NOS1: variants seen among roughly 807,000 people sequenced by gnomAD.
NOS1 encodes nitric oxide synthase 1, also known as NOS type I.
A neutral mutation model predicts 164.5 loss-of-function variants in NOS1; 51 were observed. That is an observed-to-expected ratio of 0.31 (90% CI 0.25 to 0.39). The LOEUF (loss-of-function observed/expected upper bound fraction) is 0.39. NOS1 is among the 10% of genes least tolerant of loss of function. The pLI is 1.00. For synonymous variants in NOS1, 719 were observed against 745.8 expected (o/e 0.96, Z 0.59); for missense variants, 1,362 against 1,885.6 (o/e 0.72, Z 5.14).
intron 20 of NOS1, 44 bp downstream of exon 20, chr12:117,242,583 T>C (rs983554397): frequency 6.6e-7 from 1 of 1,510,740 alleles, no homozygotes; most frequent in African/African-American, 1.4e-5. Flanking sequence ...TGGGTGGCAT[T>C]TGGGAGAAGA....
chr12:117,311,547 C>T lies in NOS1; in HGVS notation c.771G>A (p.Glu257=). The T allele has an allele frequency of 6.2e-7, 1 of 1,613,200 alleles. No homozygotes were observed. The highest frequency in any genetic ancestry group is 1.3e-5 in the African/African-American group (1 of 75,060). ...ATAGGTCATTGAAGACTCGGTCGTT[C>T]TCCACGCCGAGGGGCAGAGGTTTGT... The part of the protein sequence containing the change: ...KSHKPLPLGV[E]NDRVFNDLWG... Residue 257 remains glutamate, a synonymous_variant, in exon 3 of 29, where the codon GAG becomes GAA. Coordinates refer to ENST00000317775, the MANE Select transcript of NOS1 (RefSeq NM_000620.5).
At chr12:117,312,572 T>C (rs890280274) in intron 2 of NOS1, among the ~76,000 whole-genome samples, 11 of 152,058 alleles carry the variant, frequency 7.2e-5, no homozygotes, top group Non-Finnish European at 1.3e-4. Flanking sequence ...TGTACCACCA[T>C]GTCTGCCTAA....
At chr12:117,304,961 C>A in intron 3 of NOS1, 1 of 958,766 alleles carries the variant, frequency 1.0e-6, no homozygotes, top group Non-Finnish European at 1.2e-6. Context: ...AACCTGCATT[C>A]GTCCTGCTTC....
chr12:117,310,399 C>A (rs1874371366), intron 3 of NOS1, among the ~76,000 whole-genome samples: 1 of 152,118 alleles, frequency 6.6e-6, no homozygotes, highest in African/African-American at 2.4e-5. Flanking sequence ...TCCTCTTTAC[C>A]CACTAATGGG....
Position 117,220,119 on chromosome 12 carries a change from TCCC to T in NOS1, c.4123_4125del (p.Gly1375del). 1 of 1,613,514 alleles carries T rather than the reference TCCC, an allele frequency of 6.2e-7. No individual in the cohort carries two copies. The highest frequency in any genetic ancestry group is 8.5e-7 in the Non-Finnish European group (1 of 1,179,750). ...ACGCCGGCGTCCTCTGCCGAGAGCT[TCCC>T]CTGCTGGGTCATGATGCGCTGGATG... is the stretch of plus-strand genomic sequence containing the variant. On this transcript the variant is annotated inframe_deletion, in exon 27 of 29. Transcript: ENST00000317775.
intron 2 of NOS1, among the ~76,000 whole-genome samples, chr12:117,322,650 C>T (rs957920442): frequency 2.1e-5 from 3 of 139,904 alleles, no homozygotes; most frequent in Non-Finnish European, 3.1e-5. Context: ...TCCCTCCCTG[C>T]TTCCCTCCCT....
In NOS1 at chr12:117,311,517, C is replaced by T. The variant is rs550005340; in HGVS notation, c.801G>A (p.Gly267=). ...TGAGGACGACAGGCACATTGCCCTT[C>T]CCCCATAGGTCATTGAAGACTCGGT... ...ENDRVFNDLW[G]KGNVPVVLNN... Residue 267 remains glycine (G), a synonymous_variant, in exon 3 of 29, where the codon GGG becomes GGA. Coordinates refer to ENST00000317775, the MANE Select transcript of NOS1 (RefSeq NM_000620.5). 122 of 1,612,518 alleles carry T rather than the reference C, an allele frequency of 7.6e-5. No individual in the cohort carries two copies. The South Asian group carries it at 1.3e-3, about 18-fold the overall frequency.
At chr12:117,246,943 G>T (rs560652744) in intron 18 of NOS1, among the ~76,000 whole-genome samples, 16 of 152,120 alleles carry the variant, frequency 1.1e-4, no homozygotes, top group African/African-American at 3.1e-4. Flanking sequence ...TACCATATTG[G>T]TTAGTGAAGA....
At chr12:117,261,084 G>A (rs1871865243) in intron 13 of NOS1, among the ~76,000 whole-genome samples, 10 of 148,030 alleles carry the variant, frequency 6.8e-5, no homozygotes, top group Admixed American at 4.1e-4. Flanking sequence ...CAAGAGAATT[G>A]CTTGAACCCA....
At chr12:117,274,186 T>C (rs975823887) in intron 9 of NOS1, among the ~76,000 whole-genome samples, 2 of 152,070 alleles carry the variant, frequency 1.3e-5, no homozygotes, top group African/African-American at 2.4e-5. Flanking sequence ...CCAAAGAAGA[T>C]AGATAACCAA....
rs148847804 is a variant in NOS1 at position 117,278,666 on chromosome 12, T to C, written c.1525-568A>G. Among the ~76,000 whole-genome samples the C allele has an allele frequency of 3.9e-3, 600 of 152,092 alleles. 2 individuals carry two copies. Among genetic ancestry groups the C allele is most frequent in the African/African-American group, 0.014 (563 of 41,532 alleles). On this transcript the variant is annotated intron_variant, in intron 8 of 28. Coordinates refer to ENST00000317775, the MANE Select transcript of NOS1 (RefSeq NM_000620.5). Reference sequence around the variant, plus strand: ...AGCCACCTAAGTAATTAAAACTTTCTAGTAGCCACATTAGAAAAAAAAAAC... The same window carrying C: ...AGCCACCTAAGTAATTAAAACTTTCCAGTAGCCACATTAGAAAAAAAAAAC...
At chr12:117,297,740 G>A (rs1286034412) in intron 3 of NOS1, among the ~76,000 whole-genome samples, 3 of 152,132 alleles carry the variant, frequency 2.0e-5, no homozygotes, top group African/African-American at 2.4e-5. Context: ...CAGGTGTGCT[G>A]GGCAGTGGAC....
chr12:117,351,129 A>G (rs1036347994), intron 1 of NOS1, among the ~76,000 whole-genome samples: 2 of 151,216 alleles, frequency 1.3e-5, no homozygotes, highest in Non-Finnish European at 3.0e-5. Flanking sequence ...AAGAAGAAGA[A>G]AAAAAAAAGT....
intron 1 of NOS1, among the ~76,000 whole-genome samples, chr12:117,340,201 A>G (rs1287567355): frequency 1.3e-5 from 2 of 152,006 alleles, no homozygotes; most frequent in East Asian, 3.9e-4. Flanking sequence ...ACGGTGTCTC[A>G]CTATGTTGCT....
intron 1 of NOS1, among the ~76,000 whole-genome samples, chr12:117,338,212 G>C (rs911154518): frequency 6.6e-6 from 1 of 151,698 alleles, no homozygotes; most frequent in Non-Finnish European, 1.5e-5. Flanking sequence ...GTGAGACTCT[G>C]TCTCAAACAA....
chr12:117,252,846 C>T (rs139182537), intron 17 of NOS1, among the ~76,000 whole-genome samples: 12 of 152,156 alleles, frequency 7.9e-5, no homozygotes, highest in South Asian at 2.1e-4. Context: ...GCTCAGTTAG[C>T]GAAGGTCTGA....
rs527680190 is a variant in NOS1, at chr12:117,284,098, C to T, written c.1382+1143G>A. Among the ~76,000 whole-genome samples, 213 of 152,278 alleles carry T rather than the reference C, an allele frequency of 1.4e-3. 1 individual carries two copies. Among genetic ancestry groups the T allele is most frequent in the African/African-American group, 4.9e-3 (204 of 41,570 alleles). On this transcript the variant is annotated intron_variant, in intron 7 of 28. Transcript: ENST00000317775. ...TCAGAAAATTGGCAAACACCATTTC[C>T]TTCTTACGGAAGAGAAGAGACACAT...
chr12:117,311,356 T>C, intron 3 of NOS1, 110 bp downstream of exon 3: 10 of 1,310,476 alleles, frequency 7.6e-6, no homozygotes, highest in Non-Finnish European at 1.0e-5. Context: ...GCGGCTGATT[T>C]CCATCATGAC....
intron 1 of NOS1, among the ~76,000 whole-genome samples, chr12:117,333,122 G>A (rs1216421084): frequency 6.6e-6 from 1 of 152,192 alleles, no homozygotes; most frequent in Non-Finnish European, 1.5e-5. Context: ...GGTGATCTGT[G>A]GGTGTGGGTA....
Sources: allele counts gnomAD v4.1 joint callset (sites outside exome capture counted in the v4.1 genomes callset), GRCh38; gene constraint gnomAD v4.1.1; transcripts MANE v1.5; gene names NCBI Gene and HGNC (gene_info 2026-07-23, HGNC 2026-07-21).